C3orf70: variants seen among roughly 807,000 people sequenced by gnomAD.
C3orf70 encodes UPF0524 protein C3orf70.
Under a neutral mutation model 20.7 loss-of-function variants are expected in C3orf70, and 15 were observed. That is an observed-to-expected ratio of 0.72 (90% CI 0.48 to 1.11). The LOEUF is 1.11. C3orf70 is among the 50% of genes most tolerant of loss of function. The pLI is 0.00. For synonymous variants in C3orf70, 161 were observed against 125.7 expected, an observed-to-expected ratio of 1.28 and a Z score of -1.88; for missense variants, 332 against 317.6, an observed-to-expected ratio of 1.05 and a Z score of -0.34.
At chr3:185,145,092 T>G (rs945909728) in intron 1 of C3orf70, among the ~76,000 whole-genome samples, 2 of 152,344 alleles carry the variant, frequency 1.3e-5, no homozygotes, top group East Asian at 3.9e-4. Flanking sequence ...AGAAAACAAA[T>G]CTTCTACTAG....
At chr3:185,088,318 C>G (rs1715499459) in intron 1 of C3orf70, among the ~76,000 whole-genome samples, 1 of 152,014 alleles carries the variant, frequency 6.6e-6, no homozygotes, top group South Asian at 2.1e-4. Flanking sequence ...AGAAAACAAC[C>G]CAATTTTCTT....
At chr3:185,088,303 T>C (rs1715499109) in intron 1 of C3orf70, among the ~76,000 whole-genome samples, 1 of 152,170 alleles carries the variant, frequency 6.6e-6, no homozygotes, top group Non-Finnish European at 1.5e-5. Context: ...TGCCACTCCA[T>C]AATGAGAAAA....
intron 1 of C3orf70, among the ~76,000 whole-genome samples, chr3:185,124,666 G>A (rs1426679478): frequency 6.6e-6 from 1 of 151,690 alleles, no homozygotes; most frequent in Non-Finnish European, 1.5e-5. Context: ...AGCATAAACC[G>A]TTAAAAAAAA....
At chr3:185,090,154 C>G (rs1348998985) in intron 1 of C3orf70, among the ~76,000 whole-genome samples, 1 of 152,216 alleles carries the variant, frequency 6.6e-6, no homozygotes, top group East Asian at 1.9e-4. Flanking sequence ...GTTACCCTGT[C>G]ATTCTCTGCC....
intron 1 of C3orf70, among the ~76,000 whole-genome samples, chr3:185,152,139 C>A (rs528654653): frequency 6.6e-6 from 1 of 152,106 alleles, no homozygotes; most frequent in Admixed American, 6.5e-5. Flanking sequence ...AAGGGGGAAA[C>A]AATTGGATAT....
chr3:185,129,229 G>A (rs1158318257), intron 1 of C3orf70, among the ~76,000 whole-genome samples: 3 of 152,048 alleles, frequency 2.0e-5, no homozygotes, highest in South Asian at 2.1e-4. Context: ...GCCCCCCTCC[G>A]TCTGCCCTCT....
Position 185,083,169 on chromosome 3 carries a change from A to G in C3orf70, c.591T>C (p.Ala197=), listed in dbSNP as rs530327049. The G allele has an allele frequency of 1.2e-6, 2 of 1,614,148 alleles. No homozygotes were observed. Among genetic ancestry groups the G allele is most frequent in the Non-Finnish European group, 1.7e-6 (2 of 1,180,036 alleles). The change falls in exon 2 of 2, where the codon GCT becomes GCC. Residue 197 remains alanine, a synonymous_variant. Transcript: ENST00000335012. ...SEDSGINAIG[A]HYVESCDEDT... ...CCTCGTCACACGATTCCACATAGTG[A>G]GCCCCAATCGCATTGATCCCAGAGT...
chr3:185,084,757 A>G (rs569634641), intron 1 of C3orf70, among the ~76,000 whole-genome samples: 1 of 152,348 alleles, frequency 6.6e-6, no homozygotes, highest in Admixed American at 6.5e-5. Flanking sequence ...AAAGCCTCCC[A>G]CACGCTAAGG....
chr3:185,083,310 C>T lies in C3orf70; in HGVS notation c.450G>A (p.Pro150=), dbSNP rs61747891. ...NGKMCYVQKQ[P]APHSHRMSPE... is the part of the protein sequence containing the mutation. The stretch of plus-strand genomic sequence containing the variant: ...GGCTCATTCTGTGGGAATGTGGTGC[C>T]GGCTGCTTCTGCACATAACACATCT... Residue 150 remains proline, a synonymous_variant, in exon 2 of 2, where the codon CCG becomes CCA. Transcript: ENST00000335012. 94 of 1,614,024 alleles carry T rather than the reference C, an allele frequency of 5.8e-5. No individual in the cohort carries two copies. The highest frequency in any genetic ancestry group is 1.3e-4 in the African/African-American group (10 of 74,896).
At chr3:185,126,385 A>T (rs1440406460) in intron 1 of C3orf70, among the ~76,000 whole-genome samples, 1 of 152,198 alleles carries the variant, frequency 6.6e-6, no homozygotes, top group South Asian at 2.1e-4. Flanking sequence ...TGTCAGTCAC[A>T]GACTGAAGGA....
chr3:185,095,830 G>A (rs1561334188), intron 1 of C3orf70, among the ~76,000 whole-genome samples: 1 of 148,572 alleles, frequency 6.7e-6, no homozygotes, highest in Non-Finnish European at 1.5e-5. Flanking sequence ...TCCACCTCCT[G>A]GGTTCAAGCA....
At position 185,082,970 on chromosome 3, in the gene C3orf70, G is replaced by A. The variant is rs778783502; in HGVS notation, c.*37C>T. ...CCACCAGACAAAGGTACAAAAGCTC[G>A]GCGTGGGTCCGAGGCTGTGGCTTCC... On this transcript the variant is annotated 3_prime_UTR_variant, in exon 2 of 2. Coordinates refer to ENST00000335012, the MANE Select transcript of C3orf70 (RefSeq NM_001025266.3). 7.6e-6 allele frequency: 12 copies of A among 1,576,832 alleles called. No individual in the cohort carries two copies. The highest frequency in any genetic ancestry group is 5.4e-5 in the African/African-American group (4 of 73,650).
chr3:185,108,564 G>A (rs977004655), intron 1 of C3orf70, among the ~76,000 whole-genome samples: 20 of 152,242 alleles, frequency 1.3e-4, no homozygotes, highest in Non-Finnish European at 2.1e-4. Context: ...ACCTTTGACT[G>A]AAGGGAATCA....
chr3:185,145,903 C>T (rs1282115136), intron 1 of C3orf70, among the ~76,000 whole-genome samples: 1 of 152,216 alleles, frequency 6.6e-6, no homozygotes, highest in Non-Finnish European at 1.5e-5. Context: ...CATTGAAGCA[C>T]CAGCTACACA....
chr3:185,122,098 C>CAAAA (rs759419036), intron 1 of C3orf70, among the ~76,000 whole-genome samples: 1 of 59,032 alleles, frequency 1.7e-5, no homozygotes, highest in African/African-American at 5.9e-5. Flanking sequence ...GACTCCGTCT[C>CAAAA]AAAAAAAAAA....
In C3orf70 at chr3:185,079,306, T is replaced by TAAAAAAAAAAAAAAAA. The variant is rs1321535800; in HGVS notation, c.*3700_*3701insTTTTTTTTTTTTTTTT. 14 of 122,790 alleles carry TAAAAAAAAAAAAAAAA rather than the reference T, an allele frequency of 1.1e-4. No homozygotes were observed. Among genetic ancestry groups the TAAAAAAAAAAAAAAAA allele is most frequent in the South Asian group, 2.6e-4 (1 of 3,834 alleles). The allele number at this position is 122,790 out of a possible 1,614,324, so 7.6% of individuals were successfully genotyped here. A position where few individuals can be genotyped will look rare whatever the true frequency, so the allele number is the denominator to read the frequency against. ...AAAAAAAAAAAAAAAAAAAAAAAAG[T>TAAAAAAAAAAAAAAAA]AAAGCCACCACTCCCAAGATAGAAT... On this transcript the variant is annotated 3_prime_UTR_variant, in exon 2 of 2. Coordinates refer to ENST00000335012, the MANE Select transcript of C3orf70 (RefSeq NM_001025266.3).
At chr3:185,132,777 T>C (rs1716545956) in intron 1 of C3orf70, among the ~76,000 whole-genome samples, 1 of 152,156 alleles carries the variant, frequency 6.6e-6, no homozygotes, top group African/African-American at 2.4e-5. Flanking sequence ...AGAAGCTAAA[T>C]TAATTCTAAA....
chr3:185,150,029 AAG>A (rs1414936683), intron 1 of C3orf70, among the ~76,000 whole-genome samples: 2 of 152,168 alleles, frequency 1.3e-5, no homozygotes, highest in African/African-American at 2.4e-5. Context: ...TTTTTAAAAA[AAG>A]AGTGTATGTA....
rs965587562 is a variant in C3orf70, at chr3:185,078,160, T to C, written c.*4847A>G. 7 of 152,640 alleles carry C rather than the reference T, an allele frequency of 4.6e-5. No homozygotes were observed. The highest frequency in any genetic ancestry group is 1.7e-4 in the African/African-American group (7 of 41,440). The allele number at this position is 152,640 out of a possible 1,614,324, so 9.5% of individuals were successfully genotyped here. A position where few individuals can be genotyped will look rare whatever the true frequency, so the allele number is the denominator to read the frequency against. On this transcript the variant is annotated 3_prime_UTR_variant, in exon 2 of 2. Transcript: ENST00000335012. Reference sequence around the variant, plus strand: ...TGTCTGTAGGAAAACAATATAATTTTAGGAAATTACAGAAGAGTCAACATT... The same window carrying C: ...TGTCTGTAGGAAAACAATATAATTTCAGGAAATTACAGAAGAGTCAACATT...
Sources: gnomAD v4.1 joint callset for allele counts (sites outside exome capture counted in the v4.1 genomes callset) on GRCh38, gnomAD v4.1.1 for gene constraint, MANE v1.5 for transcripts, NCBI Gene and HGNC (gene_info 2026-07-23, HGNC 2026-07-21) for gene names.